The following AOPEP variants were observed in gnomAD, a reference collection of about 807,000 sequenced individuals.
The protein encoded by AOPEP is aminopeptidase O (putative).
In AOPEP, 77 loss-of-function variants were observed where a neutral mutation model predicts 98.1. That is an observed-to-expected ratio of 0.78 (90% CI 0.65 to 0.95). The LOEUF is 0.95. AOPEP is among the 40% of genes least tolerant of loss of function. The pLI is 0.00. For missense variants in AOPEP, 1,024 were observed against 1,024.7 expected (o/e 1.00, Z 0.01); for synonymous variants, 346 against 365.3 (o/e 0.95, Z 0.60).
chr9:94,804,990 A>G (rs1848937279), intron 5 of AOPEP, among the ~76,000 whole-genome samples: 1 of 152,170 alleles, frequency 6.6e-6, no homozygotes, highest in African/African-American at 2.4e-5. Context: ...AACCACTCTC[A>G]TGGGTTGGAG....
chr9:94,942,904 C>CAAAAAAAAAAAAAAAAAAAAAAAAAAA (rs35186299), intron 7 of AOPEP, among the ~76,000 whole-genome samples: 1 of 82,800 alleles, frequency 1.2e-5, no homozygotes, highest in Non-Finnish European at 2.5e-5. Flanking sequence ...GAGTCTGTCT[C>CAAAAAAAAAAAAAAAAAAAAAAAAAAA]AAAAAAAAAA....
chr9:95,125,817 A>G, the AOPEP span, among the ~76,000 whole-genome samples: 1 of 152,168 alleles, frequency 6.6e-6, no homozygotes, highest in African/African-American at 2.4e-5. Context: ...GAGGGGCTAG[A>G]GAGAGAGCTG....
intron 5 of AOPEP, among the ~76,000 whole-genome samples, chr9:94,840,401 A>T (rs1055898049): frequency 2.6e-5 from 4 of 152,234 alleles, no homozygotes; most frequent in African/African-American, 9.6e-5. Flanking sequence ...TAATTTGCTA[A>T]TATTTTGTTG....
intron 5 of AOPEP, among the ~76,000 whole-genome samples, chr9:94,863,743 C>G (rs1007219045): frequency 5.9e-5 from 9 of 152,216 alleles, no homozygotes; most frequent in African/African-American, 2.2e-4. Context: ...TTCTCAGGGT[C>G]AACTCATAGT....
At chr9:94,957,970 A>T (rs1202492133) in intron 9 of AOPEP, among the ~76,000 whole-genome samples, 2 of 152,178 alleles carry the variant, frequency 1.3e-5, no homozygotes, top group Non-Finnish European at 2.9e-5. Flanking sequence ...AGTGGCATTA[A>T]GTACATTCAC....
intron 13 of AOPEP, among the ~76,000 whole-genome samples, chr9:95,053,790 G>C (rs2066592941): frequency 6.6e-6 from 1 of 152,092 alleles, no homozygotes; most frequent in South Asian, 2.1e-4. Flanking sequence ...ATTAATCATA[G>C]CTCACCGCAG....
intron 3 of AOPEP, among the ~76,000 whole-genome samples, chr9:94,774,118 C>T (rs1016297413): frequency 1.3e-5 from 2 of 151,802 alleles, no homozygotes; most frequent in African/African-American, 4.8e-5. Context: ...TGAGACCATC[C>T]TGGCTAACAC....
intron 5 of AOPEP, among the ~76,000 whole-genome samples, chr9:94,809,077 G>A (rs749492536): frequency 4.6e-5 from 7 of 152,230 alleles, no homozygotes; most frequent in Non-Finnish European, 7.3e-5. Flanking sequence ...CAGGTGTGAT[G>A]AATGCTGATG....
At chr9:94,975,116 G>A (rs2059761360) in intron 10 of AOPEP, among the ~76,000 whole-genome samples, 2 of 152,128 alleles carry the variant, frequency 1.3e-5, no homozygotes, top group African/African-American at 4.8e-5. Flanking sequence ...CTGTAGTCCC[G>A]GTTACTCGGA....
chr9:95,005,776 C>T (rs922906387), intron 13 of AOPEP, among the ~76,000 whole-genome samples, 160 bp downstream of exon 13: 2 of 152,018 alleles, frequency 1.3e-5, no homozygotes, highest in African/African-American at 4.8e-5. Flanking sequence ...AAATATTGGT[C>T]GATAAGGCTA....
At chr9:94,964,004 G>T (rs1040051607) in intron 9 of AOPEP, among the ~76,000 whole-genome samples, 1 of 152,170 alleles carries the variant, frequency 6.6e-6, no homozygotes. Flanking sequence ...GAGTAAGAAG[G>T]GCCAGTGGGT....
At chr9:95,101,978 A>G in the AOPEP span, 2 of 1,084,770 alleles carry the variant, frequency 1.8e-6, no homozygotes, top group South Asian at 2.7e-5. Context: ...TCAGTTCCAA[A>G]GTAAAGCATC....
At chr9:94,800,397 G>A (rs1240713878) in intron 4 of AOPEP, among the ~76,000 whole-genome samples, 1 of 152,124 alleles carries the variant, frequency 6.6e-6, no homozygotes, top group African/African-American at 2.4e-5. Flanking sequence ...TGTTCATATG[G>A]TGATACTTGA....
intron 5 of AOPEP, among the ~76,000 whole-genome samples, chr9:94,855,229 C>A (rs1486823151): frequency 6.6e-6 from 1 of 152,044 alleles, no homozygotes; most frequent in African/African-American, 2.4e-5. Context: ...AGGCGTGTGC[C>A]ACCACGCCTG....
At chr9:94,730,092 G>C (rs1830161277) in intron 1 of AOPEP, among the ~76,000 whole-genome samples, 1 of 152,124 alleles carries the variant, frequency 6.6e-6, no homozygotes, top group South Asian at 2.1e-4. Context: ...AGACCATCCT[G>C]GCTAACGCAG....
chr9:95,145,655 C>CTTTA, the AOPEP span: 1 of 152,136 alleles, frequency 6.6e-6, no homozygotes, highest in Non-Finnish European at 1.5e-5. Context: ...TTGATGCCAG[C>CTTTA]ACTAAAGCAG....
intron 11 of AOPEP, 75 bp from the exon 12 acceptor site, chr9:95,005,083 C>G: frequency 2.7e-6 from 2 of 742,174 alleles, no homozygotes; most frequent in Non-Finnish European, 3.4e-6. Flanking sequence ...GCGGGCACGC[C>G]GAGTTAGCGG....
At chr9:94,820,979 G>A (rs556335705) in intron 5 of AOPEP, among the ~76,000 whole-genome samples, 1 of 152,202 alleles carries the variant, frequency 6.6e-6, no homozygotes, top group African/African-American at 2.4e-5. Flanking sequence ...ATTTTATAAC[G>A]ATGTAGTTCT....
intron 5 of AOPEP, among the ~76,000 whole-genome samples, chr9:94,882,759 C>T (rs1185617062): frequency 6.6e-6 from 1 of 152,132 alleles, no homozygotes; most frequent in Non-Finnish European, 1.5e-5. Context: ...CTGGGCGTCG[C>T]GAGACTCCGT....
Sources: allele counts gnomAD v4.1 joint callset (sites outside exome capture counted in the v4.1 genomes callset), GRCh38; gene constraint gnomAD v4.1.1; transcripts MANE v1.5; gene names NCBI Gene and HGNC (gene_info 2026-07-23, HGNC 2026-07-21).